Variants in LHX8 observed in about 807,000 individuals in gnomAD.
LHX8 encodes the protein LIM/homeobox protein Lhx8.
LHX8 carries 12 observed loss-of-function variants against 40.3 expected under a neutral mutation model. That is an observed-to-expected ratio of 0.30 (90% CI 0.19 to 0.48). The LOEUF (loss-of-function observed/expected upper bound fraction) is 0.48, where lower values mean the gene tolerates loss of function less well. Among genes scored for constraint, LHX8 ranks in the 20% least tolerant of loss-of-function variants. LHX8 has a pLI of 0.99. For missense variants in LHX8, 344 were observed against 433.7 expected (o/e 0.79, Z 1.84); for synonymous variants, 179 against 162.0 (o/e 1.10, Z -0.80).
upstream of LHX8, chr1:75,130,456 G>T: frequency 1.7e-6 from 1 of 575,622 alleles, no homozygotes. Context: ...CTGCCCGCCA[G>T]TGGATTCCCG....
chr1:75,133,317 C>G (rs1648022859), upstream of LHX8, among the ~76,000 whole-genome samples: 1 of 143,004 alleles, frequency 7.0e-6, no homozygotes, highest in Admixed American at 7.3e-5. Context: ...CACTTCATCA[C>G]AGGAAAGGCT....
At chr1:75,143,414 AT>A in intron 5 of LHX8, 76 bp downstream of exon 5, 1 of 993,606 alleles carries the variant, frequency 1.0e-6, no homozygotes, top group Non-Finnish European at 1.5e-6. Context: ...TCCTAAGGTC[AT>A]CTTAATGCAT....
chr1:75,191,450 T>C, the LHX8 span, among the ~76,000 whole-genome samples: 3 of 152,110 alleles, frequency 2.0e-5, no homozygotes, highest in Non-Finnish European at 4.4e-5. Flanking sequence ...GGTTGGAGCA[T>C]GTTTTACCAT....
chr1:75,185,274 C>T, the LHX8 span, among the ~76,000 whole-genome samples: 3 of 151,972 alleles, frequency 2.0e-5, no homozygotes, highest in East Asian at 5.8e-4. Context: ...CACCCTGATA[C>T]CAAAACCTGG....
At chr1:75,188,069 T>C in the LHX8 span, among the ~76,000 whole-genome samples, 1 of 152,130 alleles carries the variant, frequency 6.6e-6, no homozygotes, top group Non-Finnish European at 1.5e-5. Flanking sequence ...AGAAATCATG[T>C]TGAGCCAGCT....
intron 4 of LHX8, among the ~76,000 whole-genome samples, chr1:75,141,965 AC>A (rs1648325024): frequency 1.3e-5 from 2 of 152,092 alleles, no homozygotes; most frequent in African/African-American, 4.8e-5. Context: ...TTGCTAGGTA[AC>A]TTAAAGTAAT....
intron 7 of LHX8, among the ~76,000 whole-genome samples, chr1:75,155,053 G>T (rs1169852884): frequency 1.3e-5 from 2 of 151,826 alleles, no homozygotes; most frequent in Admixed American, 1.3e-4. Context: ...TGCCATCAAG[G>T]CCCTACCACC....
the LHX8 span, among the ~76,000 whole-genome samples, chr1:75,180,339 G>C: frequency 6.6e-6 from 1 of 152,100 alleles, no homozygotes; most frequent in African/African-American, 2.4e-5. Flanking sequence ...ATCAAACATA[G>C]GTTTGTTCTT....
downstream of LHX8, chr1:75,161,626 G>T (rs1181403243): frequency 6.6e-6 from 1 of 150,676 alleles, no homozygotes; most frequent in Non-Finnish European, 1.5e-5. Context: ...ATTGTGTTTT[G>T]AGCTGCATTG....
chr1:75,165,119 A>G (rs1452948087), downstream of LHX8, among the ~76,000 whole-genome samples: 3 of 152,088 alleles, frequency 2.0e-5, no homozygotes, highest in African/African-American at 7.2e-5. Flanking sequence ...CTTGATATCA[A>G]ATGTTTTACT....
the LHX8 span, among the ~76,000 whole-genome samples, chr1:75,186,437 G>A: frequency 6.6e-6 from 1 of 152,238 alleles, no homozygotes; most frequent in South Asian, 2.1e-4. Flanking sequence ...ACAAGTAATG[G>A]GGAAAGGACT....
At chr1:75,156,149 T>A (rs1648757934) in intron 7 of LHX8, among the ~76,000 whole-genome samples, 1 of 152,196 alleles carries the variant, frequency 6.6e-6, no homozygotes, top group Non-Finnish European at 1.5e-5. Flanking sequence ...TAGTATAGAA[T>A]TGGCTTTTAT....
chr1:75,146,731 T>G (rs532631985), intron 6 of LHX8, among the ~76,000 whole-genome samples: 1 of 152,282 alleles, frequency 6.6e-6, no homozygotes, highest in East Asian at 1.9e-4. Context: ...GACTAATCAT[T>G]GATACTATTG....
chr1:75,159,329 T>C (rs1395951857), intron 8 of LHX8: 1 of 152,188 alleles, frequency 6.6e-6, no homozygotes, highest in African/African-American at 2.4e-5. Context: ...GAAAAAGTTT[T>C]ACCATACTGT....
the LHX8 span, among the ~76,000 whole-genome samples, chr1:75,173,640 C>G: frequency 6.6e-6 from 1 of 151,990 alleles, no homozygotes; most frequent in Non-Finnish European, 1.5e-5. Context: ...CCTCGGCCTC[C>G]CAAAATGCTG....
chr1:75,148,571 A>C lies in LHX8; in HGVS notation c.685-16A>C. 6.3e-7 allele frequency: 1 copy of C among 1,584,914 alleles called. No individual in the cohort carries two copies. Among genetic ancestry groups the C allele is most frequent in the Non-Finnish European group, 8.7e-7 (1 of 1,153,736 alleles). On this transcript the variant is annotated splice_polypyrimidine_tract_variant and intron_variant, in intron 6 of 8. Coordinates refer to ENST00000356261, the MANE Select transcript of LHX8 (RefSeq NM_001256114.2). ...TTGTTTTTAGCTATTTACTACATAC[A>C]TGTTTTAAACAACAGGTTATGCAAG...
the LHX8 span, among the ~76,000 whole-genome samples, chr1:75,173,665 A>C: frequency 6.6e-6 from 1 of 152,084 alleles, no homozygotes; most frequent in Non-Finnish European, 1.5e-5. Flanking sequence ...TACAGGCGTG[A>C]GCCACCGTGC....
At chr1:75,175,136 T>C in the LHX8 span, among the ~76,000 whole-genome samples, 1 of 152,246 alleles carries the variant, frequency 6.6e-6, no homozygotes, top group Non-Finnish European at 1.5e-5. Flanking sequence ...GCAAATGTCA[T>C]TATTTTATTC....
chr1:75,177,870 A>G, the LHX8 span, among the ~76,000 whole-genome samples: 1 of 151,898 alleles, frequency 6.6e-6, no homozygotes, highest in Non-Finnish European at 1.5e-5. Flanking sequence ...GTTTATTGAG[A>G]GTTTTTAGGA....
Sources: allele counts gnomAD v4.1 joint callset (sites outside exome capture counted in the v4.1 genomes callset), GRCh38; gene constraint gnomAD v4.1.1; transcripts MANE v1.5; gene names NCBI Gene and HGNC (gene_info 2026-07-23, HGNC 2026-07-21).